Variants in CCSER1 observed in about 807,000 individuals in gnomAD.
The protein encoded by CCSER1 is serine-rich coiled-coil domain-containing protein 1.
CCSER1 carries 41 observed loss-of-function variants against 82.0 expected under a neutral mutation model. That is an observed-to-expected ratio of 0.50 (90% confidence interval 0.39 to 0.65). The LOEUF (loss-of-function observed/expected upper bound fraction) is 0.65, where lower values mean the gene tolerates loss of function less well. CCSER1 is among the 30% of genes least tolerant of loss of function. CCSER1 has a pLI of 0.00. For missense variants in CCSER1, 1,119 were observed against 1,064.2 expected (o/e 1.05, Z -0.72); for synonymous variants, 414 against 383.9 (o/e 1.08, Z -0.92).
chr4:90,304,904 G>C (rs1733959704), intron 1 of CCSER1, among the ~76,000 whole-genome samples: 1 of 151,766 alleles, frequency 6.6e-6, no homozygotes, highest in East Asian at 1.9e-4. Context: ...TTCATTTACT[G>C]TTGTTGTTGG....
chr4:90,596,709 A>AT (rs1292071822), intron 5 of CCSER1, among the ~76,000 whole-genome samples: 3 of 148,882 alleles, frequency 2.0e-5, no homozygotes, highest in Admixed American at 6.6e-5. Flanking sequence ...TAAACCAGAT[A>AT]TTTTTTTACC....
At chr4:90,537,567 G>T (rs1055759590) in intron 5 of CCSER1, among the ~76,000 whole-genome samples, 4 of 151,706 alleles carry the variant, frequency 2.6e-5, no homozygotes, top group Admixed American at 1.3e-4. Flanking sequence ...TGTCTTATTT[G>T]CGTATATTTA....
chr4:90,780,184 G>A (rs1166590145), intron 7 of CCSER1, among the ~76,000 whole-genome samples: 1 of 152,174 alleles, frequency 6.6e-6, no homozygotes, highest in Admixed American at 6.5e-5. Context: ...GTAATCATCT[G>A]TTGGATTAGG....
chr4:90,365,253 A>G (rs561012071), intron 3 of CCSER1, among the ~76,000 whole-genome samples: 1 of 151,920 alleles, frequency 6.6e-6, no homozygotes, highest in Non-Finnish European at 1.5e-5. Context: ...TTAATACAGA[A>G]TTCAATGAGC....
rs549457776 is a variant in CCSER1 at position 91,437,892 on chromosome 4, T to G, written c.2218-160680T>G. On this transcript the variant is annotated intron_variant, in intron 10 of 10. Coordinates refer to ENST00000509176, the MANE Select transcript of CCSER1 (RefSeq NM_001145065.2). The stretch of plus-strand genomic sequence containing the variant: ...CTTGCTGATTGCTAGCACAGCAGTC[T>G]GAGATCAAACTGCAAGGCAGCAGCG... 1.9e-3 allele frequency among the ~76,000 whole-genome samples: 286 copies of G among 152,298 alleles called. 1 individual carries two copies. Among genetic ancestry groups the G allele is most frequent in the Non-Finnish European group, 2.6e-3 (178 of 68,024 alleles).
chr4:90,206,139 A>G (rs542863162), intron 1 of CCSER1, among the ~76,000 whole-genome samples: 1 of 152,210 alleles, frequency 6.6e-6, no homozygotes, highest in East Asian at 1.9e-4. Context: ...AATCTTTTCA[A>G]AAAACCAGCT....
At chr4:90,835,031 CT>C (rs1458993647) in intron 8 of CCSER1, among the ~76,000 whole-genome samples, 1 of 152,132 alleles carries the variant, frequency 6.6e-6, no homozygotes, top group Non-Finnish European at 1.5e-5. Context: ...TATTCTTGGG[CT>C]TTTAATTTTA....
intron 10 of CCSER1, among the ~76,000 whole-genome samples, chr4:91,328,960 C>T (rs530163065): frequency 1.3e-5 from 2 of 151,918 alleles, no homozygotes; most frequent in Non-Finnish European, 2.9e-5. Flanking sequence ...AGCTCTCTTG[C>T]CTGCCGCCAT....
intron 4 of CCSER1, among the ~76,000 whole-genome samples, chr4:90,427,506 T>C (rs1332689585): frequency 6.6e-6 from 1 of 151,410 alleles, no homozygotes; most frequent in East Asian, 1.9e-4. Context: ...TGACTAAAAG[T>C]AATATACTAC....
intron 9 of CCSER1, among the ~76,000 whole-genome samples, chr4:91,080,901 T>G (rs1351778553): frequency 6.6e-6 from 1 of 152,038 alleles, no homozygotes; most frequent in Non-Finnish European, 1.5e-5. Flanking sequence ...GTTCTGAAAT[T>G]GAGGTAATAA....
At chr4:90,412,450 A>T (rs1755018117) in intron 4 of CCSER1, among the ~76,000 whole-genome samples, 1 of 151,890 alleles carries the variant, frequency 6.6e-6, no homozygotes, top group Non-Finnish European at 1.5e-5. Flanking sequence ...GTGTACCCTA[A>T]AACTTAAAGT....
Position 90,956,647 on chromosome 4 carries a change from T to C in CCSER1, c.2172+33200T>C, listed in dbSNP as rs182568009. Reference sequence around the variant, plus strand: ...AAATTAGGTTTCTTATGGAGAGAAATATGTAAATAAGCAATTAACAGACAC... The same window carrying C: ...AAATTAGGTTTCTTATGGAGAGAAACATGTAAATAAGCAATTAACAGACAC... On this transcript the variant is annotated intron_variant, in intron 9 of 10. Transcript: ENST00000509176. Among the ~76,000 whole-genome samples the C allele has an allele frequency of 2.6e-5, 4 of 152,098 alleles. No individual in the cohort carries two copies. In the South Asian group the frequency reaches 6.2e-4, roughly 24 times the overall value.
At chr4:90,334,191 G>T (rs939067168) in intron 3 of CCSER1, among the ~76,000 whole-genome samples, 1 of 152,072 alleles carries the variant, frequency 6.6e-6, no homozygotes, top group Non-Finnish European at 1.5e-5. Context: ...TAAGGCAGGA[G>T]AGTTAGAATA....
At chr4:90,835,243 A>G (rs1019818855) in intron 8 of CCSER1, among the ~76,000 whole-genome samples, 5 of 152,186 alleles carry the variant, frequency 3.3e-5, no homozygotes, top group African/African-American at 1.2e-4. Flanking sequence ...AGGCAGGAGA[A>G]TGGCGTGAAC....
At position 91,523,388 on chromosome 4, in the gene CCSER1, T is replaced by C. The variant is rs975870485; in HGVS notation, c.2218-75184T>C. ...TGGTATCAGGATGATGTTGGCCTCA[T>C]AAAATGAGTTAGGGAGGATTCCCTC... On this transcript the variant is annotated intron_variant, in intron 10 of 10. Coordinates refer to ENST00000509176, the MANE Select transcript of CCSER1 (RefSeq NM_001145065.2). Among the ~76,000 whole-genome samples the C allele has an allele frequency of 4.6e-5, 7 of 152,332 alleles. No homozygotes were observed. In the East Asian group the frequency reaches 1.2e-3, roughly 25 times the overall value.
intron 5 of CCSER1, among the ~76,000 whole-genome samples, chr4:90,622,716 A>G (rs28667490): frequency 0.55 from 84,091 of 151,790 alleles, 26,961 homozygotes; most frequent in African/African-American, 0.89. Flanking sequence ...GAATAGTGCC[A>G]CAATAAACAT....
chr4:90,581,518 G>A (rs1256387847), intron 5 of CCSER1, among the ~76,000 whole-genome samples: 1 of 152,062 alleles, frequency 6.6e-6, no homozygotes, highest in African/African-American at 2.4e-5. Flanking sequence ...GTGTGTTTGT[G>A]TGTGTATCTG....
In CCSER1 at chr4:90,605,807, G is replaced by A. The variant is rs556711599; in HGVS notation, c.1725-22218G>A. Among the ~76,000 whole-genome samples, 3 of 151,882 alleles carry A rather than the reference G, an allele frequency of 2.0e-5. No individual in the cohort carries two copies. In the South Asian group the frequency reaches 6.3e-4, roughly 32 times the overall value. On this transcript the variant is annotated intron_variant, in intron 5 of 10. Coordinates refer to ENST00000509176, the MANE Select transcript of CCSER1 (RefSeq NM_001145065.2). ...ACATTGACCAAATATTTTGGTGAAA[G>A]TTTTGTATATTTTTTTTCAAAATGT...
At chr4:90,430,487 A>G (rs542197229) in intron 4 of CCSER1, among the ~76,000 whole-genome samples, 1 of 152,024 alleles carries the variant, frequency 6.6e-6, no homozygotes, top group African/African-American at 2.4e-5. Flanking sequence ...TACTCTTTAA[A>G]GCATATGTAA....
Sources: gnomAD v4.1 joint callset for allele counts (sites outside exome capture counted in the v4.1 genomes callset) on GRCh38, gnomAD v4.1.1 for gene constraint, MANE v1.5 for transcripts, NCBI Gene and HGNC (gene_info 2026-07-23, HGNC 2026-07-21) for gene names.